SVEP1: variants seen among roughly 807,000 people sequenced by gnomAD.
SVEP1 encodes sushi, von Willebrand factor type A, EGF and pentraxin domain containing 1.
A neutral mutation model predicts 367.3 loss-of-function variants in SVEP1; 164 were observed. That is an observed-to-expected ratio of 0.45 (90% CI 0.39 to 0.51). SVEP1 has a LOEUF of 0.51. SVEP1 is among the 20% of genes least tolerant of loss of function. The probability of loss-of-function intolerance (pLI) is 0.00; values close to 1 mark genes in which losing one functional copy is unlikely to be tolerated. For synonymous variants in SVEP1, 1,666 were observed against 1,611.6 expected, an observed-to-expected ratio of 1.03 and a Z score of -0.81; for missense variants, 4,117 against 4,425.3, an observed-to-expected ratio of 0.93 and a Z score of 1.98.
At chr9:110,439,834 C>A (rs935779949) in intron 27 of SVEP1, among the ~76,000 whole-genome samples, 1 of 152,170 alleles carries the variant, frequency 6.6e-6, no homozygotes, top group South Asian at 2.1e-4. Flanking sequence ...CATCCTTATG[C>A]CTCTGGTCAG....
intron 3 of SVEP1, among the ~76,000 whole-genome samples, chr9:110,525,102 C>G (rs1413680696): frequency 6.6e-6 from 1 of 151,934 alleles, no homozygotes; most frequent in Non-Finnish European, 1.5e-5. Flanking sequence ...CTAACCAGAA[C>G]AGTAAGGGAA....
intron 28 of SVEP1, 93 bp from the exon 29 acceptor site, chr9:110,435,457 G>A (rs1041265721): frequency 2.1e-6 from 3 of 1,443,298 alleles, no homozygotes; most frequent in Non-Finnish European, 2.8e-6. Flanking sequence ...AACATTCACA[G>A]ATTTTTTAGA....
intron 2 of SVEP1, among the ~76,000 whole-genome samples, chr9:110,548,361 A>T (rs557461633): frequency 2.0e-5 from 3 of 150,918 alleles, no homozygotes; most frequent in African/African-American, 7.4e-5. Flanking sequence ...GTTAATAAAT[A>T]ATAAATATCA....
rs376438180 is a variant in SVEP1, at chr9:110,542,098, AGCT to A, written c.964+4014_964+4016del. On this transcript the variant is annotated intron_variant, in intron 3 of 47. Coordinates refer to ENST00000374469, the MANE Select transcript of SVEP1 (RefSeq NM_153366.4). ...AATTGGCAGAGGCTGAATTTAAGCC[AGCT>A]CTTTCTGTGTTGCGAAACATTTTGA... 2.2e-4 allele frequency among the ~76,000 whole-genome samples: 34 copies of A among 152,230 alleles called. No individual in the cohort carries two copies. The East Asian group carries it at 6.0e-3, about 27-fold the overall frequency.
intron 36 of SVEP1, among the ~76,000 whole-genome samples, chr9:110,422,700 G>T (rs2118530050): frequency 7.7e-6 from 1 of 129,954 alleles, no homozygotes; most frequent in Non-Finnish European, 1.6e-5. Flanking sequence ...ATTCACAATA[G>T]CAAAGACTTG....
At chr9:110,406,132 C>T (rs1048005022) in intron 38 of SVEP1, 28 bp downstream of exon 38, 2 of 1,521,026 alleles carry the variant, frequency 1.3e-6, no homozygotes, top group Non-Finnish European at 1.8e-6. Flanking sequence ...GCCCGCACCC[C>T]TTGGAGACCC....
intron 3 of SVEP1, among the ~76,000 whole-genome samples, chr9:110,542,161 T>C (rs1830159246): frequency 6.6e-6 from 1 of 152,016 alleles, no homozygotes; most frequent in Non-Finnish European, 1.5e-5. Flanking sequence ...TGAGAAGCAA[T>C]GTATATAAGA....
intron 7 of SVEP1, among the ~76,000 whole-genome samples, chr9:110,498,027 C>A (rs1038525564): frequency 5.3e-5 from 8 of 152,102 alleles, no homozygotes; most frequent in African/African-American, 1.9e-4. Flanking sequence ...CTTGACTGGA[C>A]CTGGAATCTA....
intron 3 of SVEP1, among the ~76,000 whole-genome samples, chr9:110,541,516 A>C (rs1030649773): frequency 1.3e-5 from 2 of 152,092 alleles, no homozygotes; most frequent in Non-Finnish European, 2.9e-5. Context: ...AGAACAGTAG[A>C]ATTCATAAGA....
In SVEP1 at chr9:110,494,916, A is replaced by G. The variant is rs547453213; in HGVS notation, c.1800+1899T>C. On this transcript the variant is annotated intron_variant, in intron 8 of 47. Transcript: ENST00000374469. ...CACAGTAGTGCAGATTAATCTCTCT[A>G]TAAGTTTATGATCACAAAACTCAAA... Among the ~76,000 whole-genome samples the G allele has an allele frequency of 4.6e-5, 7 of 152,260 alleles. No individual in the cohort carries two copies. The South Asian group carries it at 8.3e-4, about 18-fold the overall frequency.
intron 3 of SVEP1, among the ~76,000 whole-genome samples, chr9:110,519,824 T>C (rs1829855165): frequency 6.6e-6 from 1 of 152,184 alleles, no homozygotes; most frequent in African/African-American, 2.4e-5. Context: ...AGTTGCAATC[T>C]TGGCTCTTCC....
At chr9:110,512,502 C>T (rs187209419) in intron 5 of SVEP1, among the ~76,000 whole-genome samples, 3 of 152,090 alleles carry the variant, frequency 2.0e-5, no homozygotes, top group African/African-American at 7.2e-5. Context: ...AACGGGTCGA[C>T]TAGCCGAAGT....
rs969216307 is a variant in SVEP1 at position 110,387,201 on chromosome 9, G to T, written c.10060+84C>A. The T allele has an allele frequency of 1.1e-5, 16 of 1,405,594 alleles. No individual in the cohort carries two copies. The African/African-American group carries it at 2.3e-4, about 20-fold the overall frequency. The allele number at this position is 1,405,594 out of a possible 1,614,324, so 87.1% of individuals were successfully genotyped here. On this transcript the variant is annotated intron_variant, in intron 42 of 47. Transcript: ENST00000374469. ...CTCTGGGCCCATATCCCTTATGAGT[G>T]GAGCTTCCTCTATGTTTTGGATATG...
At chr9:110,491,590 G>GGGGTGTGTGTGTGTGT (rs76905358) in intron 8 of SVEP1, among the ~76,000 whole-genome samples, 16 of 147,836 alleles carry the variant, frequency 1.1e-4, no homozygotes, top group African/African-American at 4.0e-4. Context: ...TATAGAATGG[G>GGGGTGTGTGTGTGTGT]GTGTGTGTGT....
chr9:110,372,299 G>A (rs964310706), intron 46 of SVEP1, among the ~76,000 whole-genome samples: 10 of 152,246 alleles, frequency 6.6e-5, no homozygotes, highest in Middle Eastern at 3.4e-3. Context: ...ATCTTAACAC[G>A]TCCTAGTTAT....
intron 3 of SVEP1, among the ~76,000 whole-genome samples, chr9:110,540,367 G>A (rs992955609): frequency 3.9e-5 from 6 of 152,004 alleles, no homozygotes; most frequent in African/African-American, 1.4e-4. Flanking sequence ...ATTATGTGGT[G>A]TTAAAATACC....
At chr9:110,479,862 G>T in intron 12 of SVEP1, 106 bp from the exon 13 acceptor site, 1 of 1,463,576 alleles carries the variant, frequency 6.8e-7, no homozygotes, top group Non-Finnish European at 9.2e-7. Flanking sequence ...AACATAATTT[G>T]TGGGATTGTT....
intron 1 of SVEP1, among the ~76,000 whole-genome samples, chr9:110,567,821 C>T (rs1402204152): frequency 3.9e-5 from 6 of 152,202 alleles, no homozygotes; most frequent in Non-Finnish European, 7.3e-5. Context: ...TCCTAGACAT[C>T]CCCTGCCAGC....
chr9:110,400,503 A>G (rs1341853007), intron 40 of SVEP1, among the ~76,000 whole-genome samples: 5 of 151,998 alleles, frequency 3.3e-5, no homozygotes, highest in African/African-American at 1.2e-4. Flanking sequence ...AGTAGCTGGA[A>G]TTACAGGTGC....
Sources: allele counts gnomAD v4.1 joint callset (sites outside exome capture counted in the v4.1 genomes callset), GRCh38; gene constraint gnomAD v4.1.1; transcripts MANE v1.5; gene names NCBI Gene and HGNC (gene_info 2026-07-23, HGNC 2026-07-21).